SCYL1: variants seen among roughly 807,000 people sequenced by gnomAD.
SCYL1 encodes SCY1 like pseudokinase 1.
A neutral mutation model predicts 94.8 loss-of-function variants in SCYL1; 85 were observed. That is an observed-to-expected ratio of 0.90 (90% CI 0.75 to 1.07). The LOEUF (loss-of-function observed/expected upper bound fraction) is 1.07, where lower values mean the gene tolerates loss of function less well. SCYL1 is among the 50% of genes least tolerant of loss of function. The pLI, the probability that SCYL1 is intolerant of heterozygous loss-of-function variation, is 0.00. For synonymous variants in SCYL1, 459 were observed against 435.5 expected (o/e 1.05, Z -0.67); for missense variants, 968 against 1,083.3 (o/e 0.89, Z 1.49).
chr11:65,530,871 T>C (rs1855328825), intron 7 of SCYL1, 84 bp downstream of exon 7: 1 of 1,475,604 alleles, frequency 6.8e-7, no homozygotes, highest in Admixed American at 2.1e-5. Context: ...GCAGGCTGTT[T>C]AGGGCAGACC....
Position 65,538,620 on chromosome 11 carries a change from A to G in SCYL1, c.*54A>G. On this transcript the variant is annotated 3_prime_UTR_variant, in exon 18 of 18. Coordinates refer to ENST00000270176, the MANE Select transcript of SCYL1 (RefSeq NM_020680.4). ...GAGAGCCCGCCCCACAGATGTATTT[A>G]TTGTACAAACCATGTGAGCCCGGCC... is the stretch of plus-strand genomic sequence containing the variant. 1 of 1,578,508 alleles carries G rather than the reference A, an allele frequency of 6.3e-7. No homozygotes were observed. The highest frequency in any genetic ancestry group is 2.3e-5 in the East Asian group (1 of 44,134).
rs1199198395 is a variant in SCYL1, at chr11:65,526,772, C to T, written c.603-11C>T. 6.2e-7 allele frequency: 1 copy of T among 1,609,926 alleles called. No homozygotes were observed. Among genetic ancestry groups the T allele is most frequent in the East Asian group, 2.2e-5 (1 of 44,830 alleles). On this transcript the variant is annotated splice_polypyrimidine_tract_variant and intron_variant, in intron 4 of 17. Coordinates refer to ENST00000270176, the MANE Select transcript of SCYL1 (RefSeq NM_020680.4). This position sits in a 1 kb window ranked among gnomAD's most constrained non-coding sequence, Gnocchi z 4.1. ...TGGTGGGGCCCTAAGAGCTCTGGGT[C>T]ACTGCCACAGGTCAGCAGACATGTG...
chr11:65,527,168 C>G (rs773038775), intron 6 of SCYL1, 51 bp downstream of exon 6: 1 of 1,585,974 alleles, frequency 6.3e-7, no homozygotes, highest in Admixed American at 1.7e-5. Flanking sequence ...TCATTCTGCC[C>G]CTACCCTGCT....
intron 6 of SCYL1, 104 bp downstream of exon 6, chr11:65,527,221 A>C: frequency 7.4e-7 from 1 of 1,346,850 alleles, no homozygotes; most frequent in Non-Finnish European, 1.0e-6. Flanking sequence ...ACAAGCATGG[A>C]CTGTGGAGTT....
Position 65,530,655 on chromosome 11 carries a change from ATTC to A in SCYL1, c.880_882del (p.Phe294del). 6.2e-7 allele frequency: 1 copy of A among 1,613,706 alleles called. No individual in the cohort carries two copies. Among genetic ancestry groups the A allele is most frequent in the Non-Finnish European group, 8.5e-7 (1 of 1,179,804 alleles). On this transcript the variant is annotated inframe_deletion, in exon 7 of 18. Coordinates refer to ENST00000270176, the MANE Select transcript of SCYL1 (RefSeq NM_020680.4). ...TCAAAGAGCCAGCCGAGAAGCAAAA[ATTC>A]TTCCAGGAGCTGAGCAAGAGCCTGG...
intron 9 of SCYL1, 70 bp from the exon 10 acceptor site, chr11:65,535,157 A>G (rs1855571122): frequency 6.3e-7 from 1 of 1,577,936 alleles, no homozygotes; most frequent in East Asian, 2.3e-5. Flanking sequence ...GAGGGCTGCC[A>G]GGAGGCTGTT....
rs532728761 is a variant in SCYL1, at chr11:65,526,671, C to A, written c.603-112C>A. ...CTGCCTCTTGGGACTGATGGCTCAG[C>A]TGAGGGACATAGCCAGGCCCTGGCA... is the stretch of plus-strand genomic sequence containing the variant. On this transcript the variant is annotated intron_variant, in intron 4 of 17. Coordinates refer to ENST00000270176, the MANE Select transcript of SCYL1 (RefSeq NM_020680.4). The surrounding 1 kb of genome is among the most constrained non-coding windows in gnomAD (Gnocchi z 4.1). 1.8e-5 allele frequency: 18 copies of A among 1,027,220 alleles called. No homozygotes were observed. Among genetic ancestry groups the A allele is most frequent in the Non-Finnish European group, 2.6e-5 (18 of 695,864 alleles). The allele number at this position is 1,027,220 out of a possible 1,614,324, so 63.6% of individuals were successfully genotyped here. A position where few individuals can be genotyped will look rare whatever the true frequency, so the allele number is the denominator to read the frequency against.
rs1424707271 is a variant in SCYL1 at position 65,525,691 on chromosome 11, C to T, written c.229C>T (p.Leu77=). 2.5e-6 allele frequency: 4 copies of T among 1,612,702 alleles called. No homozygotes were observed. The highest frequency in any genetic ancestry group is 1.7e-5 in the Admixed American group (1 of 59,982). Residue 77 remains leucine, a synonymous_variant, in exon 2 of 18, where the codon CTG becomes TTG. Transcript: ENST00000270176. ...RFKTLRHPNI[L]AYIDGLETEK... ...CAAAACTCTACGGCACCCCAACATC[C>T]TGGCTTACATCGATGGACTGGAGGT...
In SCYL1 at chr11:65,526,193, G is replaced by C. The variant is rs371499287; in HGVS notation, c.445G>C (p.Val149Leu). ...HNNVCMAAVFVDRAGEWKLGG... is the reference protein window; with the variant it reads ...HNNVCMAAVFLDRAGEWKLGG... ...CAATGTCTGCATGGCCGCCGTGTTC[G>C]TGGACCGAGCTGGCGAGTGGAAGCT... Residue 149 changes from valine (V) to leucine (L), a missense_variant, in exon 4 of 18, where the codon GTG (valine) becomes CTG (leucine). Coordinates refer to ENST00000270176, the MANE Select transcript of SCYL1 (RefSeq NM_020680.4). The surrounding 1 kb of genome is among the most constrained non-coding windows in gnomAD (Gnocchi z 4.1). 1.1e-5 allele frequency: 17 copies of C among 1,613,476 alleles called. No individual in the cohort carries two copies. The highest frequency in any genetic ancestry group is 1.3e-5 in the Non-Finnish European group (15 of 1,179,998).
chr11:65,537,793 C>A lies in SCYL1; in HGVS notation c.1960-16C>A. 6.5e-7 allele frequency: 1 copy of A among 1,545,542 alleles called. No homozygotes were observed. ...TAGCATGGGGTGGGAGTCAGTGGTC[C>A]CTTCCCACACTGCAGCAGGAGGCCG... On this transcript the variant is annotated splice_polypyrimidine_tract_variant and intron_variant, in intron 14 of 17. Transcript: ENST00000270176.
Position 65,532,783 on chromosome 11 carries a change from C to T in SCYL1, c.1208C>T (p.Ala403Val), listed in dbSNP as rs1249634250. The T allele has an allele frequency of 4.3e-6, 7 of 1,613,786 alleles. No homozygotes were observed. Among genetic ancestry groups the T allele is most frequent in the Non-Finnish European group, 5.9e-6 (7 of 1,179,804 alleles). Residue 403 changes from alanine to valine, a missense_variant, in exon 9 of 18, where the codon GCC becomes GTC. Physicochemically the swap from Ala to Val is moderately conservative, Grantham distance 64 (BLOSUM62 0). Coordinates refer to ENST00000270176, the MANE Select transcript of SCYL1 (RefSeq NM_020680.4). ...CATGGCTTCCTGGACACCAACCCTG[C>T]CATCCGGGAGCAGACGGTCAAGGTG... Reference protein sequence around the residue: ...VVHGFLDTNPAIREQTVKSML... With the variant: ...VVHGFLDTNPVIREQTVKSML...
At chr11:65,537,253 G>C in intron 14 of SCYL1, 125 bp downstream of exon 14, 12 of 1,071,576 alleles carry the variant, frequency 1.1e-5, no homozygotes, top group Non-Finnish European at 1.6e-5. Context: ...TCCCTGGCAC[G>C]TAGGCCTCAT....
In SCYL1 at chr11:65,526,147, C is replaced by T. The variant is rs1414355181; in HGVS notation, c.399C>T (p.Asn133=). 52 of 1,612,898 alleles carry T rather than the reference C, an allele frequency of 3.2e-5. No homozygotes were observed. Among genetic ancestry groups the T allele is most frequent in the East Asian group, 8.9e-5 (4 of 44,888 alleles). ...AGAAAGCCCTCAGCTTCCTGGTCAACGACTGCAGCCTCATCCACAACAATG... is the reference window on the plus strand; with the variant it reads ...AGAAAGCCCTCAGCTTCCTGGTCAATGACTGCAGCCTCATCCACAACAATG... ...QIVKALSFLV[N]DCSLIHNNVC... Residue 133 remains asparagine, a synonymous_variant, in exon 4 of 18, where the codon AAC becomes AAT. Coordinates refer to ENST00000270176, the MANE Select transcript of SCYL1 (RefSeq NM_020680.4). This position sits in a 1 kb window ranked among gnomAD's most constrained non-coding sequence, Gnocchi z 4.1.
intron 17 of SCYL1, 32 bp downstream of exon 17, chr11:65,538,356 A>AG (rs764128856): frequency 2.1e-5 from 32 of 1,541,066 alleles, no homozygotes; most frequent in Non-Finnish European, 2.7e-5. Context: ...GCTGAAGACT[A>AG]GGGCTCCCCG....
intron 9 of SCYL1, among the ~76,000 whole-genome samples, chr11:65,534,232 A>C (rs1281939612): frequency 6.6e-6 from 1 of 150,512 alleles, no homozygotes; most frequent in African/African-American, 2.4e-5. Flanking sequence ...CTCCGTCTCA[A>C]AAAAATAAAA....
At chr11:65,537,230 C>T in intron 14 of SCYL1, 102 bp downstream of exon 14, 3 of 1,291,994 alleles carry the variant, frequency 2.3e-6, no homozygotes, top group Non-Finnish European at 3.3e-6. Context: ...GGCCTGTCCT[C>T]ATCAGCACAG....
chr11:65,532,480 C>T (rs908540555), intron 8 of SCYL1, among the ~76,000 whole-genome samples: 2 of 151,814 alleles, frequency 1.3e-5, no homozygotes, highest in South Asian at 2.1e-4. Context: ...CCAGATGAGC[C>T]GGACTATGAG....
intron 10 of SCYL1, 27 bp from the exon 11 acceptor site, chr11:65,535,926 G>T: frequency 6.5e-7 from 1 of 1,544,116 alleles, no homozygotes; most frequent in Non-Finnish European, 8.7e-7. Flanking sequence ...CCTACACTCA[G>T]GAGCCCTCTT....
In SCYL1 at chr11:65,530,743, G is replaced by A. The variant is rs1338032066; in HGVS notation, c.964G>A (p.Glu322Lys). Residue 322 changes from glutamate (E) to lysine (K), a missense_variant, in exon 7 of 18, where the codon GAG becomes AAG. Transcript: ENST00000270176. ...KVLPQLLTAFEFGNAGAVVLT... is the reference protein window; with the variant it reads ...KVLPQLLTAFKFGNAGAVVLT... ...GCTGCCCCAGCTGCTGACCGCCTTC[G>A]AGTTCGGCAATGCTGGGGCCGTTGT... is the stretch of plus-strand genomic sequence containing the variant. 3.1e-6 allele frequency: 5 copies of A among 1,613,928 alleles called. No homozygotes were observed. The highest frequency in any genetic ancestry group is 4.2e-6 in the Non-Finnish European group (5 of 1,179,990).
Sources: allele counts gnomAD v4.1 joint callset (sites outside exome capture counted in the v4.1 genomes callset), GRCh38; gene constraint gnomAD v4.1.1; non-coding constraint Gnocchi (gnomAD v3.1); transcripts MANE v1.5; gene names NCBI Gene and HGNC (gene_info 2026-07-23, HGNC 2026-07-21).